Variants in SLCO4C1 observed in about 807,000 individuals in gnomAD.
SLCO4C1 encodes solute carrier organic anion transporter family member 4C1.
SLCO4C1 carries 58 observed loss-of-function variants against 72.1 expected under a neutral mutation model. That is an observed-to-expected ratio of 0.80 (90% CI 0.65 to 1.00). SLCO4C1 has a LOEUF of 1.00. SLCO4C1 is among the 50% of genes least tolerant of loss of function. SLCO4C1 has a pLI of 0.00. For synonymous variants in SLCO4C1, 297 were observed against 312.5 expected (o/e 0.95, Z 0.52); for missense variants, 898 against 857.9 (o/e 1.05, Z -0.58).
chr5:102,251,366 T>C (rs937949036), intron 8 of SLCO4C1, among the ~76,000 whole-genome samples: 3 of 152,098 alleles, frequency 2.0e-5, no homozygotes, highest in African/African-American at 7.2e-5. Flanking sequence ...AGAGCTAAGA[T>C]AGAACATATG....
Position 102,247,404 on chromosome 5 carries a change from T to C in SLCO4C1, c.1659A>G (p.Glu553=). 6.3e-7 allele frequency: 1 copy of C among 1,589,340 alleles called. No homozygotes were observed. The highest frequency in any genetic ancestry group is 8.6e-7 in the Non-Finnish European group (1 of 1,161,912). Reference sequence around the variant, plus strand: ...CAAAAGTTTCTGCAGTGGATGTTATTTCTGTTTTCCTTTCAATACAGGAAC... The same window carrying C: ...CAAAAGTTTCTGCAGTGGATGTTATCTCTGTTTTCCTTTCAATACAGGAAC... ...YNCSCIERKT[E]ITSTAETFGF... The change falls in exon 10 of 13, where the codon GAA becomes GAG. Residue 553 remains glutamate (E), a synonymous_variant. Transcript: ENST00000310954.
At chr5:102,274,326 T>G (rs1023253867) in intron 2 of SLCO4C1, among the ~76,000 whole-genome samples, 1 of 152,214 alleles carries the variant, frequency 6.6e-6, no homozygotes, top group African/African-American at 2.4e-5. Flanking sequence ...GGATTAGAAC[T>G]GTACCTAATG....
chr5:102,246,910 T>A (rs972122852), intron 10 of SLCO4C1, among the ~76,000 whole-genome samples: 4 of 152,190 alleles, frequency 2.6e-5, no homozygotes, highest in Admixed American at 2.0e-4. Context: ...GTAGAATGCA[T>A]GCCATTCTGA....
At chr5:102,260,792 T>C (rs914325946) in intron 5 of SLCO4C1, among the ~76,000 whole-genome samples, 7 of 152,152 alleles carry the variant, frequency 4.6e-5, no homozygotes, top group Non-Finnish European at 7.4e-5. Context: ...ATATTTGCCA[T>C]CTTATTACCA....
intron 5 of SLCO4C1, 50 bp downstream of exon 5, chr5:102,261,862 T>C (rs1748949735): frequency 6.5e-7 from 1 of 1,536,472 alleles, no homozygotes; most frequent in Non-Finnish European, 8.7e-7. Context: ...AAATAGCAAC[T>C]GGCCTACAAT....
chr5:102,275,227 T>C (rs576234687), intron 2 of SLCO4C1, among the ~76,000 whole-genome samples: 1 of 151,856 alleles, frequency 6.6e-6, no homozygotes, highest in East Asian at 1.9e-4. Flanking sequence ...GAAAAGAAGA[T>C]ACAACGGAAA....
chr5:102,276,652 C>T (rs529301372), intron 2 of SLCO4C1, among the ~76,000 whole-genome samples: 2 of 152,180 alleles, frequency 1.3e-5, no homozygotes, highest in South Asian at 2.1e-4. Flanking sequence ...GAGTGTTAAG[C>T]GGCACCTAAG....
rs1414032635 is a variant in SLCO4C1, at chr5:102,236,144, A to G, written c.*714T>C. ...TGTGTTAAAAATTGTAATATCAACA[A>G]ATTACCTCCTGGAATTCTTGAGTTA... On this transcript the variant is annotated 3_prime_UTR_variant, in exon 13 of 13. Coordinates refer to ENST00000310954, the MANE Select transcript of SLCO4C1 (RefSeq NM_180991.5). 1.3e-5 allele frequency: 2 copies of G among 152,216 alleles called. No individual in the cohort carries two copies. The highest frequency in any genetic ancestry group is 4.8e-5 in the African/African-American group (2 of 41,460). The allele number at this position is 152,216 out of a possible 1,614,324, so 9.4% of individuals were successfully genotyped here. A position where few individuals can be genotyped will look rare whatever the true frequency, so the allele number is the denominator to read the frequency against.
At chr5:102,274,896 A>G (rs914542239) in intron 2 of SLCO4C1, among the ~76,000 whole-genome samples, 1 of 152,158 alleles carries the variant, frequency 6.6e-6, no homozygotes, top group African/African-American at 2.4e-5. Context: ...TCTAAACAGC[A>G]TCTTCTGGCC....
At chr5:102,243,061 T>A (rs370051332) in intron 10 of SLCO4C1, among the ~76,000 whole-genome samples, 1 of 152,168 alleles carries the variant, frequency 6.6e-6, no homozygotes, top group East Asian at 1.9e-4. Context: ...GGTGGTAGTC[T>A]GGCAGTACTC....
intron 10 of SLCO4C1, among the ~76,000 whole-genome samples, chr5:102,243,377 A>G (rs1008326250): frequency 1.3e-5 from 2 of 152,200 alleles, no homozygotes; most frequent in East Asian, 3.9e-4. Context: ...GAGTAGTTAC[A>G]AAAGACCTTG....
chr5:102,294,810 A>G lies in SLCO4C1; in HGVS notation c.355+1098T>C, dbSNP rs536143319. ...AGGGGCCCTGGGTTCCTTGAAGAGG[A>G]AGAATAAGAACAAAAAGTATACTTA... is the stretch of plus-strand genomic sequence containing the variant. On this transcript the variant is annotated intron_variant, in intron 1 of 12. Transcript: ENST00000310954. Among the ~76,000 whole-genome samples, 63 of 152,344 alleles carry G rather than the reference A, an allele frequency of 4.1e-4. 1 individual carries two copies. Among genetic ancestry groups the G allele is most frequent in the African/African-American group, 1.5e-3 (63 of 41,576 alleles).
At position 102,249,721 on chromosome 5, in the gene SLCO4C1, A is replaced by G. The variant is rs1174165838; in HGVS notation, c.1537T>C (p.Tyr513His). The change falls in exon 9 of 13, where the codon TAT becomes CAT. Residue 513 changes from tyrosine to histidine, a missense_variant. Transcript: ENST00000310954. ...TGGACTCCATCTCCACAGACAGGAT[A>G]ATAATATGATCGCGAACAGTTACAA... The part of the protein sequence containing the change: ...ANCNCSRSYY[Y>H]PVCGDGVQYF... 1 of 1,613,886 alleles carries G rather than the reference A, an allele frequency of 6.2e-7. No individual in the cohort carries two copies. Among genetic ancestry groups the G allele is most frequent in the Non-Finnish European group, 8.5e-7 (1 of 1,179,936 alleles).
rs144532066 is a variant in SLCO4C1, at chr5:102,273,784, T to G, written c.620-2978A>C. 2.6e-3 allele frequency among the ~76,000 whole-genome samples: 391 copies of G among 152,302 alleles called. 1 individual carries two copies. Among genetic ancestry groups the G allele is most frequent in the African/African-American group, 8.9e-3 (370 of 41,576 alleles). ...AGATAATCAGAAGCAAATTGTACTT[T>G]TATAATACAGTTTATAAAATAGCTA... is the stretch of plus-strand genomic sequence containing the variant. On this transcript the variant is annotated intron_variant, in intron 2 of 12. Coordinates refer to ENST00000310954, the MANE Select transcript of SLCO4C1 (RefSeq NM_180991.5).
intron 3 of SLCO4C1, among the ~76,000 whole-genome samples, chr5:102,270,086 T>C (rs371518725): frequency 2.8e-4 from 42 of 152,274 alleles, no homozygotes; most frequent in Middle Eastern, 3.4e-3. Context: ...AGAAAACTCA[T>C]ATGCAAATAA....
chr5:102,293,972 G>A (rs1035563331), intron 1 of SLCO4C1, among the ~76,000 whole-genome samples: 2 of 152,106 alleles, frequency 1.3e-5, no homozygotes, highest in Non-Finnish European at 2.9e-5. Context: ...GCAATGACAC[G>A]ATCTCGGTCC....
intron 2 of SLCO4C1, among the ~76,000 whole-genome samples, chr5:102,283,695 A>G (rs994967728): frequency 1.3e-5 from 2 of 151,948 alleles, no homozygotes; most frequent in Admixed American, 6.6e-5. Flanking sequence ...AGAGCACTTC[A>G]TTTTATATAT....
At chr5:102,267,988 G>T (rs1418024844) in intron 3 of SLCO4C1, among the ~76,000 whole-genome samples, 3 of 152,010 alleles carry the variant, frequency 2.0e-5, no homozygotes, top group East Asian at 3.9e-4. Context: ...AAAGTTTTTT[G>T]AGACTTACTT....
chr5:102,247,595 T>C (rs765697421), intron 9 of SLCO4C1, among the ~76,000 whole-genome samples, 153 bp from the exon 10 acceptor site: 1 of 152,162 alleles, frequency 6.6e-6, no homozygotes, highest in Non-Finnish European at 1.5e-5. Flanking sequence ...CTTAAGAAAT[T>C]AAGCAAGTGG....
Sources: gnomAD v4.1 joint callset for allele counts (sites outside exome capture counted in the v4.1 genomes callset) on GRCh38, gnomAD v4.1.1 for gene constraint, MANE v1.5 for transcripts, NCBI Gene and HGNC (gene_info 2026-07-23, HGNC 2026-07-21) for gene names.